PFN2: variants seen among roughly 807,000 people sequenced by gnomAD.
PFN2 encodes the protein profilin 2.
In PFN2, 8 loss-of-function variants were observed where a neutral mutation model predicts 15.3. That is an observed-to-expected ratio of 0.52 (90% CI 0.31 to 0.95). The LOEUF (loss-of-function observed/expected upper bound fraction) is 0.95, where lower values mean the gene tolerates loss of function less well. Ranked by LOEUF, PFN2 falls within the 40% of genes least tolerant of loss-of-function variation. The pLI, the probability that PFN2 is intolerant of heterozygous loss-of-function variation, is 0.05. For synonymous variants in PFN2, 79 were observed against 67.9 expected (o/e 1.16, Z -0.81); for missense variants, 111 against 182.3 (o/e 0.61, Z 2.25).
In PFN2 at chr3:149,966,175, C is replaced by T; in HGVS notation, c.*314G>A. ...AGATGGGGAGAGGCTGCTTACACATCAGACCTCCTCAGGTATAAAGCGAGT... is the reference window on the plus strand; with the variant it reads ...AGATGGGGAGAGGCTGCTTACACATTAGACCTCCTCAGGTATAAAGCGAGT... On this transcript the variant is annotated 3_prime_UTR_variant, in exon 3 of 3. Coordinates refer to ENST00000239940, the MANE Select transcript of PFN2 (RefSeq NM_053024.4). The T allele has an allele frequency of 6.2e-7, 1 of 1,613,326 alleles. No individual in the cohort carries two copies. The highest frequency in any genetic ancestry group is 8.5e-7 in the Non-Finnish European group (1 of 1,179,472).
At chr3:149,968,201 G>A (rs1019443843) in intron 2 of PFN2, 157 bp downstream of exon 2, 21 of 632,222 alleles carry the variant, frequency 3.3e-5, no homozygotes, top group Non-Finnish European at 5.0e-5. Flanking sequence ...CTGTAGAGTA[G>A]GTAAAACTAA....
Position 149,965,906 on chromosome 3 carries a change from C to CA in PFN2, c.*582dup. Reference sequence around the variant, plus strand: ...ATCAATATCCCATTAATTGCTAAGACAAAGTGATGCCCAACTTGGCATGCC... The same window carrying CA: ...ATCAATATCCCATTAATTGCTAAGACAAAAGTGATGCCCAACTTGGCATGCC... On this transcript the variant is annotated 3_prime_UTR_variant, in exon 3 of 3. Coordinates refer to ENST00000239940, the MANE Select transcript of PFN2 (RefSeq NM_053024.4). 7.7e-7 allele frequency: 1 copy of CA among 1,293,656 alleles called. No individual in the cohort carries two copies. The highest frequency in any genetic ancestry group is 9.8e-7 in the Non-Finnish European group (1 of 1,022,086). The allele number at this position is 1,293,656 out of a possible 1,614,324, so 80.1% of individuals were successfully genotyped here. A position where few individuals can be genotyped will look rare whatever the true frequency, so the allele number is the denominator to read the frequency against.
chr3:149,969,292 C>G (rs1722777695), intron 1 of PFN2, among the ~76,000 whole-genome samples: 2 of 152,246 alleles, frequency 1.3e-5, no homozygotes, highest in South Asian at 4.1e-4. Flanking sequence ...GGGAAAGAAA[C>G]TGAGGTAGCC....
Position 149,965,846 on chromosome 3 carries a change from A to G in PFN2, c.*643T>C, listed in dbSNP as rs1722674361. The G allele has an allele frequency of 8.7e-7, 1 of 1,146,390 alleles. No individual in the cohort carries two copies. The highest frequency in any genetic ancestry group is 1.1e-6 in the Non-Finnish European group (1 of 930,918). 71.0% of individuals were successfully genotyped at this position (1,146,390 alleles called of 1,614,324 possible). The stretch of plus-strand genomic sequence containing the variant: ...AAAGACACTGATCAGAGATTGTACA[A>G]CCGGCACCTTGCTTAATATTAACTT... On this transcript the variant is annotated 3_prime_UTR_variant, in exon 3 of 3. Transcript: ENST00000239940.
Position 149,966,462 on chromosome 3 carries a change from C to A in PFN2, c.*27G>T. ...TAGGAAAGTTTAAGAGCAATTTTCC[C>A]CTAATACTTAACAGTCTGCCTAGCA... On this transcript the variant is annotated 3_prime_UTR_variant, in exon 3 of 3. Transcript: ENST00000239940. 1 of 1,606,112 alleles carries A rather than the reference C, an allele frequency of 6.2e-7. No individual in the cohort carries two copies. Among genetic ancestry groups the A allele is most frequent in the Non-Finnish European group, 8.5e-7 (1 of 1,177,746 alleles).
chr3:149,965,709 A>AC lies in PFN2; in HGVS notation c.*779_*780insG. ...AAACCAAATGCCTATGTGCGAAGGG[A>AC]GGGGGGGCGGGAAAAAGAGAAGAGT... On this transcript the variant is annotated 3_prime_UTR_variant, in exon 3 of 3. Coordinates refer to ENST00000239940, the MANE Select transcript of PFN2 (RefSeq NM_053024.4). 1.4e-5 allele frequency: 13 copies of AC among 929,874 alleles called. No individual in the cohort carries two copies. Among genetic ancestry groups the AC allele is most frequent in the Non-Finnish European group, 1.3e-5 (10 of 784,812 alleles). The allele number at this position is 929,874 out of a possible 1,614,324, so 57.6% of individuals were successfully genotyped here.
Position 149,966,180 on chromosome 3 carries a change from CT to C in PFN2, c.*308del. 2 of 1,613,522 alleles carry C rather than the reference CT, an allele frequency of 1.2e-6. No homozygotes were observed. Among genetic ancestry groups the C allele is most frequent in the Non-Finnish European group, 1.7e-6 (2 of 1,179,596 alleles). On this transcript the variant is annotated 3_prime_UTR_variant, in exon 3 of 3. Coordinates refer to ENST00000239940, the MANE Select transcript of PFN2 (RefSeq NM_053024.4). ...GGGAGAGGCTGCTTACACATCAGAC[CT>C]CCTCAGGTATAAAGCGAGTTCATAT...
At position 149,965,031 on chromosome 3, in the gene PFN2, A is replaced by G. The variant is rs1722643506; in HGVS notation, c.*1458T>C. ...CAGATGTAACAAAGTGCAGGGAAAG[A>G]AATGGACAAATCAGCAACAAGATTT... On this transcript the variant is annotated 3_prime_UTR_variant, in exon 3 of 3. Coordinates refer to ENST00000239940, the MANE Select transcript of PFN2 (RefSeq NM_053024.4). The G allele has an allele frequency of 3.8e-6, 2 of 532,790 alleles. No homozygotes were observed. Among genetic ancestry groups the G allele is most frequent in the Non-Finnish European group, 6.5e-6 (2 of 306,586 alleles). 33.0% of individuals were successfully genotyped at this position (532,790 alleles called of 1,614,324 possible). A position where few individuals can be genotyped will look rare whatever the true frequency, so the allele number is the denominator to read the frequency against.
chr3:149,965,786 G>A lies in PFN2; in HGVS notation c.*703C>T. On this transcript the variant is annotated 3_prime_UTR_variant, in exon 3 of 3. Transcript: ENST00000239940. ...TCCCAACCATGCGCTACAAAAGGAAGACTAAATGAGCCAAGTAAATGCTCA... is the reference window on the plus strand; with the variant it reads ...TCCCAACCATGCGCTACAAAAGGAAAACTAAATGAGCCAAGTAAATGCTCA... 1 of 1,060,314 alleles carries A rather than the reference G, an allele frequency of 9.4e-7. No homozygotes were observed. Among genetic ancestry groups the A allele is most frequent in the African/African-American group, 1.7e-5 (1 of 59,656 alleles). The allele number at this position is 1,060,314 out of a possible 1,614,324, so 65.7% of individuals were successfully genotyped here. A position where few individuals can be genotyped will look rare whatever the true frequency, so the allele number is the denominator to read the frequency against.
In PFN2 at chr3:149,965,937, C is replaced by T. The variant is rs2108629103; in HGVS notation, c.*552G>A. ...GATGCCCAACTTGGCATGCCCCCTC[C>T]CCCCAATTTCAAGGTATCATGCAAA... On this transcript the variant is annotated 3_prime_UTR_variant, in exon 3 of 3. Coordinates refer to ENST00000239940, the MANE Select transcript of PFN2 (RefSeq NM_053024.4). The T allele has an allele frequency of 7.6e-7, 1 of 1,321,492 alleles. No homozygotes were observed. The highest frequency in any genetic ancestry group is 2.1e-5 in the South Asian group (1 of 46,808). 81.9% of individuals were successfully genotyped at this position (1,321,492 alleles called of 1,614,324 possible).
In PFN2 at chr3:149,966,593, G is replaced by A. The variant is rs574213064; in HGVS notation, c.326-7C>T. The A allele has an allele frequency of 1.4e-5, 22 of 1,599,562 alleles. No individual in the cohort carries two copies. The highest frequency in any genetic ancestry group is 1.8e-5 in the Non-Finnish European group (21 of 1,168,730). ...CCCATTACAAAGACCAAGACTGAAAGAGAAAGAAGAAAAGTGTTTCAAAAG... is the reference window on the plus strand; with the variant it reads ...CCCATTACAAAGACCAAGACTGAAAAAGAAAGAAGAAAAGTGTTTCAAAAG... On this transcript the variant is annotated splice_polypyrimidine_tract_variant and splice_region_variant and intron_variant, in intron 2 of 2. Coordinates refer to ENST00000239940, the MANE Select transcript of PFN2 (RefSeq NM_053024.4).
At position 149,966,187 on chromosome 3, in the gene PFN2, G is replaced by A. The variant is rs760496129; in HGVS notation, c.*302C>T. Reference sequence around the variant, plus strand: ...GCTGCTTACACATCAGACCTCCTCAGGTATAAAGCGAGTTCATATGCTTTC... The same window carrying A: ...GCTGCTTACACATCAGACCTCCTCAAGTATAAAGCGAGTTCATATGCTTTC... On this transcript the variant is annotated 3_prime_UTR_variant, in exon 3 of 3. Transcript: ENST00000239940. 1.9e-6 allele frequency: 3 copies of A among 1,613,678 alleles called. No individual in the cohort carries two copies. Among genetic ancestry groups the A allele is most frequent in the Non-Finnish European group, 2.5e-6 (3 of 1,179,660 alleles).
chr3:149,970,005 A>G (rs1410790012), intron 1 of PFN2, among the ~76,000 whole-genome samples: 5 of 151,956 alleles, frequency 3.3e-5, no homozygotes, highest in African/African-American at 1.2e-4. Flanking sequence ...ATGAATCTCC[A>G]TATGAGAAGA....
At chr3:149,970,681 G>A (rs1252858827) in intron 1 of PFN2, 44 bp downstream of exon 1, 2 of 1,455,082 alleles carry the variant, frequency 1.4e-6, no homozygotes, top group South Asian at 1.3e-5. Flanking sequence ...CGGCCACCCC[G>A]CTCCGGTGCA....
Position 149,965,575 on chromosome 3 carries a change from T to A in PFN2, c.*914A>T. 2.4e-6 allele frequency: 3 copies of A among 1,236,944 alleles called. No homozygotes were observed. Among genetic ancestry groups the A allele is most frequent in the Non-Finnish European group, 3.0e-6 (3 of 989,428 alleles). The allele number at this position is 1,236,944 out of a possible 1,614,324, so 76.6% of individuals were successfully genotyped here. On this transcript the variant is annotated 3_prime_UTR_variant, in exon 3 of 3. Transcript: ENST00000239940. ...GAATAAAGGTTTGTCTCTGCTCAAGTGCAACAACAATACTAAAAGCAAACT... is the reference window on the plus strand; with the variant it reads ...GAATAAAGGTTTGTCTCTGCTCAAGAGCAACAACAATACTAAAAGCAAACT...
rs1289891914 is a variant in PFN2 at position 149,966,094 on chromosome 3, C to T, written c.*395G>A. The T allele has an allele frequency of 6.4e-7, 1 of 1,552,694 alleles. No homozygotes were observed. Among genetic ancestry groups the T allele is most frequent in the East Asian group, 2.3e-5 (1 of 44,324 alleles). On this transcript the variant is annotated 3_prime_UTR_variant, in exon 3 of 3. Transcript: ENST00000239940. ...GTAAAGAAAAATTAGCTACCATCTACAGTTTGGTAGCATTGTGACCATAAT... is the reference window on the plus strand; with the variant it reads ...GTAAAGAAAAATTAGCTACCATCTATAGTTTGGTAGCATTGTGACCATAAT...
intron 1 of PFN2, among the ~76,000 whole-genome samples, chr3:149,969,852 C>T (rs979725648): frequency 6.6e-6 from 1 of 152,078 alleles, no homozygotes; most frequent in African/African-American, 2.4e-5. Flanking sequence ...CATAAAACTG[C>T]ATTAGTTCCT....
rs1722666019 is a variant in PFN2, at chr3:149,965,710, G to C, written c.*779C>G. ...AACCAAATGCCTATGTGCGAAGGGA[G>C]GGGGGGCGGGAAAAAGAGAAGAGTG... On this transcript the variant is annotated 3_prime_UTR_variant, in exon 3 of 3. Transcript: ENST00000239940. 1 of 864,024 alleles carries C rather than the reference G, an allele frequency of 1.2e-6. No homozygotes were observed. Among genetic ancestry groups the C allele is most frequent in the African/African-American group, 6.0e-5 (1 of 16,726 alleles). The allele number at this position is 864,024 out of a possible 1,614,324, so 53.5% of individuals were successfully genotyped here.
intron 1 of PFN2, among the ~76,000 whole-genome samples, chr3:149,969,927 A>G (rs1254411778): frequency 6.6e-6 from 1 of 152,176 alleles, no homozygotes; most frequent in Non-Finnish European, 1.5e-5. Flanking sequence ...CTTCGCAGAT[A>G]ATTGAAAGCC....
Sources: gnomAD v4.1 joint callset for allele counts (sites outside exome capture counted in the v4.1 genomes callset) on GRCh38, gnomAD v4.1.1 for gene constraint, MANE v1.5 for transcripts, NCBI Gene and HGNC (gene_info 2026-07-23, HGNC 2026-07-21) for gene names.